Variants in PSORS1C1 observed in about 807,000 individuals in gnomAD.
PSORS1C1 encodes psoriasis susceptibility 1 candidate gene 1 protein.
PSORS1C1 carries 7 observed loss-of-function variants against 9.4 expected under a neutral mutation model. That is an observed-to-expected ratio of 0.75 (90% CI 0.42 to 1.40). The LOEUF (loss-of-function observed/expected upper bound fraction) is 1.40, where lower values mean the gene tolerates loss of function less well. Among genes scored for constraint, PSORS1C1 ranks in the 40% most tolerant of loss-of-function variants. The pLI is 0.01. For synonymous variants in PSORS1C1, 63 were observed against 69.4 expected (o/e 0.91, Z 0.46); for missense variants, 146 against 178.1 (o/e 0.82, Z 1.02).
In PSORS1C1 at chr6:31,129,577, G is replaced by GA; in HGVS notation, c.-54dup. ...CCTACCTGCCATGTCAGCCTGGGAAGAATTGGTTTGCAGCCAGGCAGTCCT... is the reference window on the plus strand; with the variant it reads ...CCTACCTGCCATGTCAGCCTGGGAAGAAATTGGTTTGCAGCCAGGCAGTCCT... On this transcript the variant is annotated 5_prime_UTR_variant, in exon 3 of 6. The change abolishes the stop of an existing upstream ORF in the 5' untranslated region. Transcript: ENST00000259881. The GA allele has an allele frequency of 1.3e-6, 1 of 778,766 alleles. No individual in the cohort carries two copies. Among genetic ancestry groups the GA allele is most frequent in the South Asian group, 1.3e-5 (1 of 74,384 alleles). 48.2% of individuals were successfully genotyped at this position (778,766 alleles called of 1,614,324 possible).
Position 31,129,724 on chromosome 6 carries a change from T to C in PSORS1C1, c.13+79T>C, listed in dbSNP as rs187821013. On this transcript the variant is annotated intron_variant, in intron 3 of 5. Coordinates refer to ENST00000259881, the MANE Select transcript of PSORS1C1 (RefSeq NM_014068.3). ...TTGCTTTATTGAGTGCCTTCTAGGC[T>C]GGGTACTAGGAGAGAAGGAAGGGAT... 318 of 774,346 alleles carry C rather than the reference T, an allele frequency of 4.1e-4. 2 individuals are homozygous for C. Among genetic ancestry groups the C allele is most frequent in the East Asian group, 3.4e-3 (140 of 41,142 alleles). The allele number at this position is 774,346 out of a possible 1,614,324, so 48.0% of individuals were successfully genotyped here.
chr6:31,116,766 A>G (rs770168773), intron 1 of PSORS1C1: 15 of 1,613,146 alleles, frequency 9.3e-6, no homozygotes, highest in Admixed American at 1.7e-5. Context: ...TGATTGGGGG[A>G]CAGGGCTTGC....
At chr6:31,137,602 C>T (rs1310163264) in intron 3 of PSORS1C1, 2 of 315,320 alleles carry the variant, frequency 6.3e-6, no homozygotes, top group Non-Finnish European at 5.8e-6. Context: ...GTTCCTGCCG[C>T]CGGCCACCAG....
In PSORS1C1 at chr6:31,117,247, G is replaced by C. The variant is rs201886677; in HGVS notation, c.-229+2356G>C. 32 of 1,611,794 alleles carry C rather than the reference G, an allele frequency of 2.0e-5. No homozygotes were observed. The highest frequency in any genetic ancestry group is 1.5e-4 in the Admixed American group (9 of 59,888). ...GGAACCGGATGCACCTTGTAGACTA[G>C]AGCCAGATCCGGAGGAGTAGCTGAC... On this transcript the variant is annotated intron_variant, in intron 1 of 5. Transcript: ENST00000259881.
chr6:31,114,939 A>G lies in PSORS1C1; in HGVS notation c.-229+48A>G, dbSNP rs9263636. The G allele has an allele frequency of 5.0e-3, 1,809 of 362,466 alleles. 1 individual carries two copies. Among genetic ancestry groups the G allele is most frequent in the South Asian group, 0.01 (556 of 54,612 alleles). The allele number at this position is 362,466 out of a possible 1,614,324, so 22.5% of individuals were successfully genotyped here. ...GAAAAGGAGTTTGGGTGGGGAGGGG[A>G]GGGGAGGGGAGGGAGAGGAAACACT... On this transcript the variant is annotated intron_variant, in intron 1 of 5. Coordinates refer to ENST00000259881, the MANE Select transcript of PSORS1C1 (RefSeq NM_014068.3).
intron 1 of PSORS1C1, among the ~76,000 whole-genome samples, chr6:31,120,746 G>A (rs889247144): frequency 1.3e-4 from 20 of 152,056 alleles, no homozygotes; most frequent in Admixed American, 1.2e-3. Flanking sequence ...ACTCTGGGGC[G>A]GCCACTCTTG....
At position 31,138,725 on chromosome 6, in the gene PSORS1C1, C is replaced by G. The variant is rs1220196209; in HGVS notation, c.113C>G (p.Pro38Arg). 2 of 1,576,244 alleles carry G rather than the reference C, an allele frequency of 1.3e-6. No homozygotes were observed. The highest frequency in any genetic ancestry group is 1.7e-6 in the Non-Finnish European group (2 of 1,163,088). Residue 38 changes from proline to arginine, a missense_variant, in exon 5 of 6, where the codon CCC becomes CGC. Transcript: ENST00000259881. Reference sequence around the variant, plus strand: ...GATCCCAGCTCCGAGGAAACTCGTCCCCCCCACGTTAATCCTGACCGACTT... The same window carrying G: ...GATCCCAGCTCCGAGGAAACTCGTCGCCCCCACGTTAATCCTGACCGACTT... ...NTDPSSEETR[P>R]PHVNPDRLCH...
chr6:31,120,378 C>A (rs2150961317), intron 1 of PSORS1C1: 5 of 1,594,114 alleles, frequency 3.1e-6, no homozygotes, highest in Admixed American at 1.7e-5. Flanking sequence ...TCATCCCGTG[C>A]CCACCCACAC....
At chr6:31,124,764 A>G (rs3094203) in intron 1 of PSORS1C1, among the ~76,000 whole-genome samples, 78,165 of 151,736 alleles carry the variant, frequency 0.52, 21,264 homozygotes, top group African/African-American at 0.69. Flanking sequence ...GAGCTCAGGA[A>G]TTTGAAACCA....
chr6:31,126,416 C>G (rs1420344891), intron 2 of PSORS1C1, among the ~76,000 whole-genome samples: 1 of 152,152 alleles, frequency 6.6e-6, no homozygotes, highest in Non-Finnish European at 1.5e-5. Flanking sequence ...AACGAGTTGC[C>G]CCTAGCTGAG....
Position 31,138,839 on chromosome 6 carries a change from T to G in PSORS1C1, c.167+60T>G. 6 of 1,611,372 alleles carry G rather than the reference T, an allele frequency of 3.7e-6. No individual in the cohort carries two copies. In the South Asian group the frequency reaches 6.6e-5, roughly 18 times the overall value. ...CCACCCAATGTGTCCAGAAAGCCAT[T>G]TCTGGTGAGCCAGATGCACCTTCTG... On this transcript the variant is annotated intron_variant, in intron 5 of 5. Transcript: ENST00000259881.
At chr6:31,134,378 C>G (rs143745823) in intron 3 of PSORS1C1, among the ~76,000 whole-genome samples, 2,122 of 151,996 alleles carry the variant, frequency 0.014, 42 homozygotes, top group African/African-American at 0.048. Flanking sequence ...TCTCGGCTCA[C>G]TGCAAGCTCC....
Position 31,139,186 on chromosome 6 carries a change from G to A in PSORS1C1, c.167+407G>A. On this transcript the variant is annotated intron_variant, in intron 5 of 5. Transcript: ENST00000259881. This position sits in a 1 kb window ranked among gnomAD's most constrained non-coding sequence, Gnocchi z 5.2. ...ACCCGTTGGGAAGGCCTGGGCTGAT[G>A]TGTCACCCCTGAAGGTGGCGTCCCT... 1 of 621,646 alleles carries A rather than the reference G, an allele frequency of 1.6e-6. No individual in the cohort carries two copies. The highest frequency in any genetic ancestry group is 2.9e-6 in the Non-Finnish European group (1 of 350,240). The allele number at this position is 621,646 out of a possible 1,614,324, so 38.5% of individuals were successfully genotyped here. A position where few individuals can be genotyped will look rare whatever the true frequency, so the allele number is the denominator to read the frequency against.
intron 3 of PSORS1C1, chr6:31,137,779 G>A (rs373096538): frequency 3.0e-4 from 126 of 416,478 alleles, no homozygotes; most frequent in African/African-American, 2.1e-3. Flanking sequence ...GATCTCAGGA[G>A]GGGACAGGAA....
chr6:31,122,294 G>A (rs918071685), intron 1 of PSORS1C1, among the ~76,000 whole-genome samples: 1 of 152,210 alleles, frequency 6.6e-6, no homozygotes, highest in Non-Finnish European at 1.5e-5. Context: ...CCCAGCAAAT[G>A]GAGCCCTGCA....
chr6:31,134,139 C>T (rs1380662429), intron 3 of PSORS1C1, among the ~76,000 whole-genome samples: 1 of 151,618 alleles, frequency 6.6e-6, no homozygotes, highest in Non-Finnish European at 1.5e-5. Context: ...CCACCATGCC[C>T]AGCTAATTTT....
intron 3 of PSORS1C1, 61 bp from the exon 4 acceptor site, chr6:31,138,369 C>A: frequency 6.3e-7 from 1 of 1,594,194 alleles, no homozygotes; most frequent in South Asian, 1.1e-5. Context: ...CCCCACCCAG[C>A]CCCAGCCCCA....
intron 1 of PSORS1C1, chr6:31,120,273 G>A (rs1452419122): frequency 1.5e-6 from 2 of 1,303,480 alleles, no homozygotes; most frequent in Non-Finnish European, 2.2e-6. Context: ...CCCCTTCGCT[G>A]GGTCCTCTCC....
intron 3 of PSORS1C1, among the ~76,000 whole-genome samples, chr6:31,134,196 G>A (rs1013269154): frequency 6.6e-6 from 1 of 151,640 alleles, no homozygotes; most frequent in Non-Finnish European, 1.5e-5. Flanking sequence ...GGTGAGGCTG[G>A]TCTCGAACTC....
Sources: gnomAD v4.1 joint callset for allele counts (sites outside exome capture counted in the v4.1 genomes callset) on GRCh38, gnomAD v4.1.1 for gene constraint, Gnocchi (gnomAD v3.1) non-coding constraint, MANE v1.5 for transcripts, NCBI Gene and HGNC (gene_info 2026-07-23, HGNC 2026-07-21) for gene names.